The following CEP63 variants were observed in gnomAD, a reference collection of about 807,000 sequenced individuals.
CEP63 encodes centrosomal protein of 63 kDa.
In CEP63, 84 loss-of-function variants were observed where a neutral mutation model predicts 89.1. That is an observed-to-expected ratio of 0.94 (90% CI 0.79 to 1.13). The LOEUF (loss-of-function observed/expected upper bound fraction) is 1.13. Among genes scored for constraint, CEP63 ranks in the 50% most tolerant of loss-of-function variants. The pLI is 0.00. For synonymous variants in CEP63, 267 were observed against 272.5 expected (o/e 0.98, Z 0.20); for missense variants, 838 against 813.3 (o/e 1.03, Z -0.37).
At chr3:134,654,559 A>G in the CEP63 span, among the ~76,000 whole-genome samples, 2 of 152,186 alleles carry the variant, frequency 1.3e-5, no homozygotes, top group Non-Finnish European at 2.9e-5. Flanking sequence ...AGATGAGTGA[A>G]TCCTTACATG....
the CEP63 span, among the ~76,000 whole-genome samples, chr3:134,714,844 A>G: frequency 6.6e-6 from 1 of 152,242 alleles, no homozygotes; most frequent in Non-Finnish European, 1.5e-5. Flanking sequence ...GTTGAGTGCC[A>G]GGGAGACTAA....
At chr3:134,606,117 C>T in the CEP63 span, among the ~76,000 whole-genome samples, 1 of 152,178 alleles carries the variant, frequency 6.6e-6, no homozygotes, top group Admixed American at 6.5e-5. Flanking sequence ...TGGGCAGAAG[C>T]TACCTCAGCT....
At chr3:134,488,351 C>G (rs1272936201) in intron 1 of CEP63, among the ~76,000 whole-genome samples, 2 of 152,122 alleles carry the variant, frequency 1.3e-5, no homozygotes, top group South Asian at 4.1e-4. Flanking sequence ...CGGTGACTCA[C>G]GCCTGTAATC....
chr3:134,695,109 G>A, the CEP63 span, among the ~76,000 whole-genome samples: 3 of 152,322 alleles, frequency 2.0e-5, no homozygotes, highest in African/African-American at 4.8e-5. Context: ...TCAGCCGGCC[G>A]GGACCTGCCT....
At chr3:134,558,020 CT>C in intron 12 of CEP63, 121 bp from the exon 13 acceptor site, 3 of 823,752 alleles carry the variant, frequency 3.6e-6, no homozygotes, top group Non-Finnish European at 6.1e-6. Flanking sequence ...AAAAACAAAG[CT>C]TCATTAAAGC....
the CEP63 span, among the ~76,000 whole-genome samples, chr3:134,666,831 A>G: frequency 6.6e-6 from 1 of 152,192 alleles, no homozygotes; most frequent in Non-Finnish European, 1.5e-5. Context: ...AGGGATCCTC[A>G]TTGATGCCAC....
intron 1 of CEP63, among the ~76,000 whole-genome samples, chr3:134,490,190 A>G (rs189850438): frequency 1.3e-5 from 2 of 152,322 alleles, no homozygotes; most frequent in African/African-American, 4.8e-5. Context: ...ATTAAAAAAA[A>G]CACAAATATG....
the CEP63 span, among the ~76,000 whole-genome samples, chr3:134,675,229 C>T: frequency 2.0e-5 from 3 of 152,130 alleles, no homozygotes; most frequent in Non-Finnish European, 4.4e-5. Context: ...AGAAATAAAC[C>T]CATACATCTA....
chr3:134,670,533 T>C, the CEP63 span, among the ~76,000 whole-genome samples: 1 of 152,242 alleles, frequency 6.6e-6, no homozygotes, highest in South Asian at 2.1e-4. Context: ...GAGATGATGC[T>C]GTTGAGAATA....
chr3:134,698,487 G>T, the CEP63 span, among the ~76,000 whole-genome samples: 1 of 152,224 alleles, frequency 6.6e-6, no homozygotes, highest in African/African-American at 2.4e-5. Context: ...CACCTCCAGG[G>T]CCAATTTCCA....
At chr3:134,492,070 C>CTTTTTTTTTTTTTTTT (rs74269453) in intron 1 of CEP63, among the ~76,000 whole-genome samples, 9 of 103,674 alleles carry the variant, frequency 8.7e-5, no homozygotes, top group African/African-American at 2.6e-4. Flanking sequence ...TATTTGTATT[C>CTTTTTTTTTTTTTTTT]TTTTTTTTTT....
chr3:134,560,437 C>T (rs62271502), intron 14 of CEP63, among the ~76,000 whole-genome samples: 2,261 of 152,256 alleles, frequency 0.015, 26 homozygotes, highest in South Asian at 0.054. Context: ...TTTGAGTGAC[C>T]GACTTGCACA....
the CEP63 span, among the ~76,000 whole-genome samples, chr3:134,752,030 G>C: frequency 6.6e-6 from 1 of 152,186 alleles, no homozygotes; most frequent in South Asian, 2.1e-4. Flanking sequence ...CCTGACTCAA[G>C]CCAGCAGGCT....
intron 12 of CEP63, among the ~76,000 whole-genome samples, chr3:134,557,282 CACAG>C (rs1956362491): frequency 6.6e-6 from 1 of 150,470 alleles, no homozygotes; most frequent in African/African-American, 2.5e-5. Flanking sequence ...ACTACTTGTA[CACAG>C]ATAGTTCACA....
At chr3:134,709,191 C>T in the CEP63 span, among the ~76,000 whole-genome samples, 2 of 152,184 alleles carry the variant, frequency 1.3e-5, no homozygotes. Flanking sequence ...GGAAGAGGAA[C>T]ATTTCCTCCC....
At chr3:134,567,441 G>A (rs929425235), downstream of CEP63, among the ~76,000 whole-genome samples, 9 of 129,438 alleles carry the variant, frequency 7.0e-5, no homozygotes, top group Admixed American at 4.4e-4. Context: ...TATATAGTAT[G>A]TAAATTATAT....
chr3:134,545,074 A>G (rs902923001), intron 6 of CEP63, among the ~76,000 whole-genome samples: 1 of 151,948 alleles, frequency 6.6e-6, no homozygotes, highest in East Asian at 1.9e-4. Context: ...GCTCACTGCA[A>G]CCTCCAACTC....
At chr3:134,775,147 CTA>C in the CEP63 span, among the ~76,000 whole-genome samples, 1 of 152,280 alleles carries the variant, frequency 6.6e-6, no homozygotes, top group African/African-American at 2.4e-5. Flanking sequence ...ACTCACCTAC[CTA>C]TGTTTCCCTC....
chr3:134,552,463 A>G (rs1445317923), intron 12 of CEP63: 1 of 154,328 alleles, frequency 6.5e-6, no homozygotes, highest in East Asian at 1.9e-4. Flanking sequence ...TCAGCCTCCC[A>G]AAGTGCTGGG....
Sources: allele counts gnomAD v4.1 joint callset (sites outside exome capture counted in the v4.1 genomes callset), GRCh38; gene constraint gnomAD v4.1.1; transcripts MANE v1.5; gene names NCBI Gene and HGNC (gene_info 2026-07-23, HGNC 2026-07-21).